CDH13: variants seen among roughly 807,000 people sequenced by gnomAD.
CDH13 encodes cadherin-13.
Under a neutral mutation model 63.8 loss-of-function variants are expected in CDH13, and 24 were observed. The observed-to-expected ratio is 0.38, with a 90% CI of 0.27 to 0.53. The LOEUF (loss-of-function observed/expected upper bound fraction) is 0.53, where lower values mean the gene tolerates loss of function less well. CDH13 is among the 20% of genes least tolerant of loss of function. The pLI is 0.85. For missense variants in CDH13, 1,049 were observed against 903.1 expected, an observed-to-expected ratio of 1.16 and a Z score of -2.07; for synonymous variants, 503 against 355.3, an observed-to-expected ratio of 1.42 and a Z score of -4.67.
Position 83,780,025 on chromosome 16 carries a change from A to T in CDH13, c.1739A>T (p.Asp580Val). 6.2e-7 allele frequency: 1 copy of T among 1,614,026 alleles called. No homozygotes were observed. Among genetic ancestry groups the T allele is most frequent in the East Asian group, 2.2e-5 (1 of 44,878 alleles). Residue 580 changes from aspartate (D) to valine (V), a missense_variant, in exon 12 of 14, where the codon GAC (aspartate) becomes GTC (valine). Coordinates refer to ENST00000567109, the MANE Select transcript of CDH13 (RefSeq NM_001257.5). ...CTGATAACCCTGGAGGACGTGAATG[A>T]CAATGCCCCGTTCATTTACCCCACA... ...TLLITLEDVNDNAPFIYPTVA... is the reference protein window; with the variant it reads ...TLLITLEDVNVNAPFIYPTVA...
At chr16:83,228,038 G>T (rs998405809) in intron 5 of CDH13, among the ~76,000 whole-genome samples, 2 of 152,154 alleles carry the variant, frequency 1.3e-5, no homozygotes, top group African/African-American at 4.8e-5. Flanking sequence ...GGGAGACACT[G>T]CTTGGTCCAG....
chr16:82,756,279 C>T (rs2034607668), intron 1 of CDH13, among the ~76,000 whole-genome samples: 1 of 152,026 alleles, frequency 6.6e-6, no homozygotes, highest in African/African-American at 2.4e-5. Context: ...GACTCATGCT[C>T]CCAAGAAGGC....
intron 7 of CDH13, among the ~76,000 whole-genome samples, chr16:83,549,104 T>C (rs1470581069): frequency 6.6e-6 from 1 of 152,264 alleles, no homozygotes; most frequent in East Asian, 1.9e-4. Context: ...CCAGGTGACC[T>C]GGTGAGAGCC....
chr16:83,791,578 C>T lies in CDH13; in HGVS notation c.2135-3445C>T, dbSNP rs139987127. On this transcript the variant is annotated intron_variant, in intron 13 of 13. Coordinates refer to ENST00000567109, the MANE Select transcript of CDH13 (RefSeq NM_001257.5). The stretch of plus-strand genomic sequence containing the variant: ...CTGTAATCCCAGCACTTTGGGAGGC[C>T]GAGGTGGGCGGATCACAAGGTCAGG... 3.1e-3 allele frequency among the ~76,000 whole-genome samples: 468 copies of T among 151,908 alleles called. 2 individuals are homozygous for T. The highest frequency in any genetic ancestry group is 0.011 in the African/African-American group (449 of 41,440).
At chr16:83,421,313 TTAAACAA>T (rs2071707929) in intron 6 of CDH13, among the ~76,000 whole-genome samples, 1 of 152,192 alleles carries the variant, frequency 6.6e-6, no homozygotes, top group Non-Finnish European at 1.5e-5. Flanking sequence ...CAGTACTAGA[TTAAACAA>T]TAAATAAATG....
At chr16:82,784,137 G>A (rs2035894218) in intron 1 of CDH13, among the ~76,000 whole-genome samples, 1 of 152,086 alleles carries the variant, frequency 6.6e-6, no homozygotes, top group South Asian at 2.1e-4. Flanking sequence ...TGGTTTAACA[G>A]AACAGATGTT....
chr16:83,657,890 A>T (rs1321658944), intron 8 of CDH13, among the ~76,000 whole-genome samples: 1 of 150,002 alleles, frequency 6.7e-6, no homozygotes, highest in Non-Finnish European at 1.5e-5. Context: ...CCATATCATC[A>T]CCACCAGGTC....
At position 83,766,296 on chromosome 16, in the gene CDH13, C is replaced by T. The variant is rs1914382204; in HGVS notation, c.1682-13672C>T. 2.6e-5 allele frequency among the ~76,000 whole-genome samples: 4 copies of T among 152,304 alleles called. 1 individual carries two copies. In the South Asian group the frequency reaches 8.3e-4, roughly 32 times the overall value. The stretch of plus-strand genomic sequence containing the variant: ...ATGGAAATACAAACATATATGATTA[C>T]ATTTACAGGAAGAGCCATACATATT... On this transcript the variant is annotated intron_variant, in intron 11 of 13. Transcript: ENST00000567109.
rs145183104 is a variant in CDH13 at position 82,760,481 on chromosome 16, C to T, written c.46-97881C>T. On this transcript the variant is annotated intron_variant, in intron 1 of 13. Transcript: ENST00000567109. Reference sequence around the variant, plus strand: ...TTTTGTACTTTTATTAATATTATGGCATTACAACACCTTACTTTAGGAGAT... The same window carrying T: ...TTTTGTACTTTTATTAATATTATGGTATTACAACACCTTACTTTAGGAGAT... Among the ~76,000 whole-genome samples, 4 of 152,146 alleles carry T rather than the reference C, an allele frequency of 2.6e-5. No individual in the cohort carries two copies. The South Asian group carries it at 8.3e-4, about 32-fold the overall frequency.
At chr16:83,771,702 A>G (rs570171669) in intron 11 of CDH13, among the ~76,000 whole-genome samples, 104 of 152,302 alleles carry the variant, frequency 6.8e-4, no homozygotes, top group African/African-American at 2.4e-3. Context: ...TGTAGGTTGG[A>G]GATCTCTCAG....
At chr16:83,361,289 C>G (rs540122743) in intron 6 of CDH13, among the ~76,000 whole-genome samples, 1 of 152,028 alleles carries the variant, frequency 6.6e-6, no homozygotes, top group Non-Finnish European at 1.5e-5. Flanking sequence ...ATTTGTTTTT[C>G]GCTTGTTGAA....
intron 5 of CDH13, among the ~76,000 whole-genome samples, chr16:83,253,034 C>G (rs766944514): frequency 5.3e-5 from 8 of 152,192 alleles, no homozygotes; most frequent in Non-Finnish European, 8.8e-5. Flanking sequence ...CGTGCCAAAC[C>G]CTTAGCACAG....
intron 1 of CDH13, among the ~76,000 whole-genome samples, chr16:82,783,355 G>T (rs1319363207): frequency 6.6e-6 from 1 of 152,204 alleles, no homozygotes; most frequent in Admixed American, 6.5e-5. Flanking sequence ...CAGGCTTTCT[G>T]CGATGATGGA....
At chr16:82,641,043 G>A (rs1044632622) in intron 1 of CDH13, among the ~76,000 whole-genome samples, 10 of 152,178 alleles carry the variant, frequency 6.6e-5, no homozygotes, top group African/African-American at 2.4e-4. Flanking sequence ...CAAGAAGAAG[G>A]AAAGCCAGCA....
chr16:83,240,197 C>T (rs977909334), intron 5 of CDH13, among the ~76,000 whole-genome samples: 1 of 152,082 alleles, frequency 6.6e-6, no homozygotes, highest in African/African-American at 2.4e-5. Flanking sequence ...GGCCGTGACC[C>T]CTTCTTGGCA....
chr16:82,682,102 G>A (rs1027089587), intron 1 of CDH13, among the ~76,000 whole-genome samples: 5 of 152,214 alleles, frequency 3.3e-5, no homozygotes, highest in East Asian at 3.8e-4. Context: ...TTGTTAAAAT[G>A]TGTATGAGAA....
chr16:83,323,330 T>G (rs1259669853), intron 5 of CDH13, among the ~76,000 whole-genome samples: 1 of 150,466 alleles, frequency 6.6e-6, no homozygotes. Context: ...TGCTGGAGTA[T>G]AGTGGCACGA....
At chr16:83,219,775 TA>T (rs2039642156) in intron 5 of CDH13, among the ~76,000 whole-genome samples, 1 of 152,166 alleles carries the variant, frequency 6.6e-6, no homozygotes, top group African/African-American at 2.4e-5. Flanking sequence ...ATTGAGTGCT[TA>T]TAGGGTAAGG....
At chr16:82,945,327 G>T (rs1432078458) in intron 2 of CDH13, among the ~76,000 whole-genome samples, 1 of 152,108 alleles carries the variant, frequency 6.6e-6, no homozygotes, top group Non-Finnish European at 1.5e-5. Context: ...AAAAACAAAG[G>T]GTCAGATTTG....
Sources: gnomAD v4.1 joint callset for allele counts (sites outside exome capture counted in the v4.1 genomes callset) on GRCh38, gnomAD v4.1.1 for gene constraint, MANE v1.5 for transcripts, NCBI Gene and HGNC (gene_info 2026-07-23, HGNC 2026-07-21) for gene names.